LOC128462377: variants seen among roughly 807,000 people sequenced by gnomAD.
chr16:89,401,917 G>A, the LOC128462377 span, among the ~76,000 whole-genome samples: 9 of 150,756 alleles, frequency 6.0e-5, no homozygotes, highest in East Asian at 1.8e-3. Context: ...CCCAGAACCT[G>A]GAGAGAGGCC....
the LOC128462377 span, among the ~76,000 whole-genome samples, chr16:89,339,265 G>C: frequency 1.3e-5 from 2 of 152,236 alleles, no homozygotes; most frequent in Non-Finnish European, 2.9e-5. Flanking sequence ...TCATGCATTA[G>C]GCAATAGAAC....
the LOC128462377 span, chr16:89,322,995 C>T: frequency 3.4e-6 from 1 of 296,476 alleles, no homozygotes; most frequent in Non-Finnish European, 6.6e-6. Flanking sequence ...AGGCCCGTGG[C>T]ACCATGCCCG....
chr16:89,320,843 T>G, the LOC128462377 span, among the ~76,000 whole-genome samples: 1 of 152,238 alleles, frequency 6.6e-6, no homozygotes, highest in Non-Finnish European at 1.5e-5. Flanking sequence ...CTCTCCACAC[T>G]GCGAGAGCCC....
the LOC128462377 span, among the ~76,000 whole-genome samples, chr16:89,377,263 A>G: frequency 2.0e-5 from 3 of 152,182 alleles, no homozygotes; most frequent in South Asian, 2.1e-4. Context: ...AGGACTGTCA[A>G]CATGGGAGAG....
the LOC128462377 span, among the ~76,000 whole-genome samples, chr16:89,336,473 A>T: frequency 6.6e-6 from 1 of 152,248 alleles, no homozygotes; most frequent in African/African-American, 2.4e-5. Context: ...GAGGGGCCAG[A>T]CGGAGTCCAG....
At chr16:89,351,472 C>CT in the LOC128462377 span, among the ~76,000 whole-genome samples, 4 of 152,212 alleles carry the variant, frequency 2.6e-5, no homozygotes, top group Non-Finnish European at 4.4e-5. Flanking sequence ...CACCAAATAA[C>CT]TGATTCTCAT....
At chr16:89,376,684 C>G in the LOC128462377 span, among the ~76,000 whole-genome samples, 1 of 152,216 alleles carries the variant, frequency 6.6e-6, no homozygotes, top group Non-Finnish European at 1.5e-5. Context: ...AGCGATCCAC[C>G]CACCTTGGCC....
At chr16:89,391,896 C>G in the LOC128462377 span, among the ~76,000 whole-genome samples, 2 of 152,256 alleles carry the variant, frequency 1.3e-5, no homozygotes, top group East Asian at 3.8e-4. Flanking sequence ...TTAGCTCCCA[C>G]AATTTAGCCT....
the LOC128462377 span, among the ~76,000 whole-genome samples, chr16:89,353,984 T>A: frequency 6.6e-6 from 1 of 152,130 alleles, no homozygotes; most frequent in Admixed American, 6.5e-5. Context: ...TCCAGCCTTG[T>A]GAACCAGCCC....
At chr16:89,390,903 T>C in the LOC128462377 span, among the ~76,000 whole-genome samples, 3 of 152,128 alleles carry the variant, frequency 2.0e-5, no homozygotes, top group Non-Finnish European at 4.4e-5. Flanking sequence ...CATGTAAGTG[T>C]CACCCTGATT....
the LOC128462377 span, among the ~76,000 whole-genome samples, chr16:89,355,164 C>T: frequency 1.3e-5 from 2 of 152,200 alleles, no homozygotes; most frequent in South Asian, 2.1e-4. Context: ...TTGCTCCCAA[C>T]ATACTCCCAT....
the LOC128462377 span, among the ~76,000 whole-genome samples, chr16:89,406,944 C>G: frequency 2.6e-5 from 4 of 152,206 alleles, no homozygotes; most frequent in African/African-American, 9.6e-5. Context: ...TTTGGGAGGC[C>G]AGGGGAAGGG....
At chr16:89,345,557 TTC>T in the LOC128462377 span, among the ~76,000 whole-genome samples, 2 of 152,208 alleles carry the variant, frequency 1.3e-5, no homozygotes, top group African/African-American at 4.8e-5. Context: ...AGAAATAAAT[TTC>T]TGTTCTTTAT....
chr16:89,373,511 T>C, the LOC128462377 span: 4 of 152,260 alleles, frequency 2.6e-5, no homozygotes, highest in Non-Finnish European at 4.4e-5. Context: ...AAAAGCCCAG[T>C]TCTGCTGAGT....
the LOC128462377 span, among the ~76,000 whole-genome samples, chr16:89,339,581 T>C: frequency 6.6e-6 from 1 of 152,240 alleles, no homozygotes; most frequent in Non-Finnish European, 1.5e-5. Flanking sequence ...TTATATTTTA[T>C]AATTTCTACA....
the LOC128462377 span, among the ~76,000 whole-genome samples, chr16:89,354,257 A>AAG: frequency 3.1e-4 from 47 of 152,088 alleles, no homozygotes; most frequent in African/African-American, 9.2e-4. Context: ...AAAAAAAAAA[A>AAG]AAAGAAAACT....
the LOC128462377 span, among the ~76,000 whole-genome samples, chr16:89,338,486 T>C: frequency 2.0e-5 from 3 of 150,704 alleles, no homozygotes; most frequent in Non-Finnish European, 4.4e-5. Context: ...TCCCAGCACT[T>C]TGGGAGGCCG....
chr16:89,375,099 C>T, the LOC128462377 span, among the ~76,000 whole-genome samples: 1 of 152,122 alleles, frequency 6.6e-6, no homozygotes, highest in South Asian at 2.1e-4. Flanking sequence ...CGTAACGTCG[C>T]AGGCTCAAGC....
chr16:89,405,737 C>T, the LOC128462377 span, among the ~76,000 whole-genome samples: 3 of 152,084 alleles, frequency 2.0e-5, no homozygotes, highest in Non-Finnish European at 4.4e-5. Context: ...GGCCTGTCCA[C>T]GAAGCTCCTC....
Sources: gnomAD v4.1 joint callset for allele counts (sites outside exome capture counted in the v4.1 genomes callset) on GRCh38, gnomAD v4.1.1 for gene constraint, MANE v1.5 for transcripts.